Variants in ADARB2 observed in about 807,000 individuals in gnomAD.
The protein encoded by ADARB2 is adenosine deaminase RNA specific B2 (inactive), also known as inactive double-stranded RNA-specific editase B2.
A neutral mutation model predicts 62.2 loss-of-function variants in ADARB2; 25 were observed. The ratio of observed to expected loss-of-function variants is 0.40; its 90% CI spans 0.29 to 0.56. The LOEUF (loss-of-function observed/expected upper bound fraction) is 0.56, where lower values mean the gene tolerates loss of function less well. Among genes scored for constraint, ADARB2 ranks in the 20% least tolerant of loss-of-function variants. The pLI is 0.43. For synonymous variants in ADARB2, 572 were observed against 500.8 expected, an observed-to-expected ratio of 1.14 and a Z score of -1.90; for missense variants, 1,071 against 1,077.4, an observed-to-expected ratio of 0.99 and a Z score of 0.08.
intron 3 of ADARB2, among the ~76,000 whole-genome samples, chr10:1,274,733 C>T (rs1469862129): frequency 1.3e-5 from 2 of 152,152 alleles, no homozygotes; most frequent in African/African-American, 4.8e-5. Flanking sequence ...AGGAAGGTGC[C>T]AATATTATCC....
At chr10:1,207,095 C>T (rs11250331) in intron 7 of ADARB2, among the ~76,000 whole-genome samples, 41,165 of 152,176 alleles carry the variant, frequency 0.27, 6,835 homozygotes, top group South Asian at 0.45. Flanking sequence ...CCCTGTAATC[C>T]CAGCACTTTG....
chr10:1,293,275 G>A (rs1387214913), intron 3 of ADARB2, among the ~76,000 whole-genome samples: 1 of 130,636 alleles, frequency 7.7e-6, no homozygotes, highest in Non-Finnish European at 1.6e-5. Context: ...AGGGAAGGAG[G>A]GAGGGAAAGA....
chr10:1,364,053 T>A (rs994678266), intron 2 of ADARB2, 136 bp from the exon 3 acceptor site: 3 of 1,246,926 alleles, frequency 2.4e-6, no homozygotes, highest in Non-Finnish European at 3.1e-6. Context: ...GAAATGACTG[T>A]GGCCGCCAGA....
intron 6 of ADARB2, among the ~76,000 whole-genome samples, chr10:1,232,427 GGT>G (rs760639723): frequency 2.0e-5 from 3 of 151,194 alleles, no homozygotes; most frequent in Non-Finnish European, 3.0e-5. Context: ...TGGTATATGT[GGT>G]GTGTGTTTGC....
At chr10:1,208,845 A>G (rs4880791) in intron 7 of ADARB2, among the ~76,000 whole-genome samples, 120,203 of 152,206 alleles carry the variant, frequency 0.79, 47,678 homozygotes, top group African/African-American at 0.87. Flanking sequence ...ATGGTCACAG[A>G]CCATTGGCCC....
intron 1 of ADARB2, chr10:1,678,223 G>A: frequency 1.0e-6 from 1 of 983,956 alleles, no homozygotes; most frequent in South Asian, 4.7e-5. Flanking sequence ...CTCAGGGTGA[G>A]CGACCTCAGG....
At chr10:1,335,220 A>G (rs1831962246) in intron 3 of ADARB2, among the ~76,000 whole-genome samples, 1 of 135,906 alleles carries the variant, frequency 7.4e-6, no homozygotes, top group South Asian at 2.8e-4. Context: ...GGATGGAGGG[A>G]GGGAATGATG....
At chr10:1,385,097 T>C (rs74119858) in intron 1 of ADARB2, among the ~76,000 whole-genome samples, 1 of 152,100 alleles carries the variant, frequency 6.6e-6, no homozygotes, top group Admixed American at 6.5e-5. Context: ...ATCTAGTTGA[T>C]CATTTCAACT....
intron 3 of ADARB2, among the ~76,000 whole-genome samples, chr10:1,360,624 C>T (rs1205415617): frequency 1.3e-5 from 2 of 152,210 alleles, no homozygotes; most frequent in African/African-American, 4.8e-5. Context: ...CCAGTGTCCT[C>T]CCAGCCCCCG....
chr10:1,223,475 G>A (rs772435516), intron 6 of ADARB2, among the ~76,000 whole-genome samples: 4 of 152,156 alleles, frequency 2.6e-5, no homozygotes, highest in Non-Finnish European at 5.9e-5. Flanking sequence ...TGGTGAGAGA[G>A]GGCATCCCTC....
chr10:1,691,362 T>C (rs1424865087), intron 1 of ADARB2, among the ~76,000 whole-genome samples: 1 of 152,128 alleles, frequency 6.6e-6, no homozygotes, highest in Non-Finnish European at 1.5e-5. Context: ...AGCTGCCTGG[T>C]CTGTGGTCTT....
chr10:1,242,087 G>A (rs777156204), intron 5 of ADARB2, 44 bp downstream of exon 5: 3 of 1,540,908 alleles, frequency 1.9e-6, no homozygotes, highest in South Asian at 2.4e-5. Flanking sequence ...GCAGCCCCCA[G>A]CCGCGGCGTC....
intron 1 of ADARB2, among the ~76,000 whole-genome samples, chr10:1,554,291 G>A (rs1207739893): frequency 6.6e-6 from 1 of 152,124 alleles, no homozygotes; most frequent in Non-Finnish European, 1.5e-5. Flanking sequence ...TTTTCGTGGG[G>A]CTCCCAGTCC....
At chr10:1,568,807 T>TATC (rs998314072) in intron 1 of ADARB2, among the ~76,000 whole-genome samples, 1 of 148,304 alleles carries the variant, frequency 6.7e-6, no homozygotes, top group African/African-American at 2.5e-5. Context: ...TATCTCTATC[T>TATC]ATCTATCTAT....
In ADARB2 at chr10:1,540,329, G is replaced by A. The variant is rs529090328; in HGVS notation, c.101-161169C>T. Among the ~76,000 whole-genome samples, 4 of 140,294 alleles carry A rather than the reference G, an allele frequency of 2.9e-5. No homozygotes were observed. In the South Asian group the frequency reaches 6.7e-4, roughly 24 times the overall value. The allele number at this position is 140,294 out of a possible 152,430, so 92.0% of individuals were successfully genotyped here. ...GAAAATAAACTCAGTCTATGCCACC[G>A]AGGGCACGTCAGGCAACAGCCCCCG... On this transcript the variant is annotated intron_variant, in intron 1 of 9. Transcript: ENST00000381312.
chr10:1,398,475 C>G lies in ADARB2; in HGVS notation c.101-19315G>C, dbSNP rs1182842173. Among the ~76,000 whole-genome samples, 1 of 152,226 alleles carries G rather than the reference C, an allele frequency of 6.6e-6. No individual in the cohort carries two copies. The highest frequency in any genetic ancestry group is 2.4e-5 in the African/African-American group (1 of 41,468). ...CTCGCTCCTGTTTTTCAGGGCCCCT[C>G]CTCTCCCTGTGGAGCTCCAGTGAAG... On this transcript the variant is annotated intron_variant, in intron 1 of 9. Coordinates refer to ENST00000381312, the MANE Select transcript of ADARB2 (RefSeq NM_018702.4). The surrounding 1 kb of genome is among the most constrained non-coding windows in gnomAD (Gnocchi z 4.1).
intron 1 of ADARB2, among the ~76,000 whole-genome samples, chr10:1,520,932 C>T (rs1437611242): frequency 2.0e-5 from 3 of 151,992 alleles, no homozygotes; most frequent in Non-Finnish European, 2.9e-5. Context: ...AATAAGACCT[C>T]GATTTACGCA....
intron 1 of ADARB2, among the ~76,000 whole-genome samples, chr10:1,624,380 C>T (rs914420764): frequency 2.0e-5 from 3 of 152,206 alleles, no homozygotes; most frequent in Non-Finnish European, 2.9e-5. Context: ...CAGGCTCCAG[C>T]GAGCATGCCG....
chr10:1,424,438 T>C (rs532653995), intron 1 of ADARB2, among the ~76,000 whole-genome samples: 46 of 152,292 alleles, frequency 3.0e-4, no homozygotes, highest in Non-Finnish European at 6.0e-4. Flanking sequence ...TGAGGCCTCT[T>C]CCTCGTGTTT....
Sources: gnomAD v4.1 joint callset for allele counts (sites outside exome capture counted in the v4.1 genomes callset) on GRCh38, gnomAD v4.1.1 for gene constraint, Gnocchi (gnomAD v3.1) non-coding constraint, MANE v1.5 for transcripts, NCBI Gene and HGNC (gene_info 2026-07-23, HGNC 2026-07-21) for gene names.